Variants in DTNA observed in about 807,000 individuals in gnomAD.
The protein encoded by DTNA is dystrobrevin alpha, also known as dystrophin-related protein 3.
Under a neutral mutation model 100.7 loss-of-function variants are expected in DTNA, and 43 were observed. The observed-to-expected ratio is 0.43, with a 90% CI of 0.33 to 0.55. DTNA has a LOEUF of 0.55. Among genes scored for constraint, DTNA ranks in the 20% least tolerant of loss-of-function variants. The probability of loss-of-function intolerance (pLI) is 0.04; values close to 1 mark genes in which losing one functional copy is unlikely to be tolerated. For missense variants in DTNA, 798 were observed against 953.9 expected, an observed-to-expected ratio of 0.84 and a Z score of 2.15; for synonymous variants, 349 against 347.9, an observed-to-expected ratio of 1.00 and a Z score of -0.04.
chr18:34,511,198 AATT>A (rs2041050220), intron 1 of DTNA, among the ~76,000 whole-genome samples: 1 of 152,050 alleles, frequency 6.6e-6, no homozygotes, highest in Non-Finnish European at 1.5e-5. Flanking sequence ...CGGAAAGAAA[AATT>A]ATTATAAGTT....
At chr18:34,581,237 G>A (rs2048585901) in intron 1 of DTNA, among the ~76,000 whole-genome samples, 1 of 147,060 alleles carries the variant, frequency 6.8e-6, no homozygotes, top group South Asian at 2.2e-4. Flanking sequence ...GACAGAGCGA[G>A]ATTGGGTCTC....
rs2094867590 is a variant in DTNA at position 34,794,103 on chromosome 18, C to T, written c.215C>T (p.Pro72Leu). 1 of 1,614,148 alleles carries T rather than the reference C, an allele frequency of 6.2e-7. No homozygotes were observed. The highest frequency in any genetic ancestry group is 8.5e-7 in the Non-Finnish European group (1 of 1,180,028). Residue 72 changes from proline (P) to leucine (L), a missense_variant, in exon 4 of 23, where the codon CCA becomes CTA. By Grantham distance (98) the Pro-to-Leu change is moderately conservative. Around this residue, in one of 6 missense-constraint regions of DTNA, gnomAD observed 197 missense variants for 215.4 expected, o/e 0.91. Coordinates refer to ENST00000444659, the MANE Select transcript of DTNA (RefSeq NM_001386795.1). ...LRENALNNLD[P>L]NTELNVSRLE... ...GAAAATGCTCTGAACAACCTGGACC[C>T]AAACACTGAACTCAACGTGTCCCGC...
chr18:34,586,804 T>A (rs9947496), intron 1 of DTNA, among the ~76,000 whole-genome samples: 195 of 152,256 alleles, frequency 1.3e-3, no homozygotes, highest in African/African-American at 4.5e-3. Context: ...AAATAAGTAA[T>A]CCAATAGAGG....
At chr18:34,854,831 G>T (rs111254688) in intron 15 of DTNA, among the ~76,000 whole-genome samples, 1 of 152,212 alleles carries the variant, frequency 6.6e-6, no homozygotes, top group Non-Finnish European at 1.5e-5. Flanking sequence ...TTGAGGGGTT[G>T]AAGTGAGAAT....
At chr18:34,763,972 G>A (rs1442479915) in intron 2 of DTNA, among the ~76,000 whole-genome samples, 2 of 152,162 alleles carry the variant, frequency 1.3e-5, no homozygotes, top group African/African-American at 2.4e-5. Context: ...AGATGGTAAT[G>A]AGGATGCTAA....
At chr18:34,526,133 A>T (rs1389795627) in intron 1 of DTNA, among the ~76,000 whole-genome samples, 1 of 152,142 alleles carries the variant, frequency 6.6e-6, no homozygotes, top group Non-Finnish European at 1.5e-5. Flanking sequence ...GAAATCAAAG[A>T]TCCATTATTC....
intron 16 of DTNA, among the ~76,000 whole-genome samples, chr18:34,860,938 G>C (rs2150100793): frequency 6.6e-6 from 1 of 152,180 alleles, no homozygotes; most frequent in East Asian, 1.9e-4. Context: ...AAGTCACACA[G>C]AAGTTGCAGA....
chr18:34,663,565 C>A (rs1219462908), intron 1 of DTNA, among the ~76,000 whole-genome samples: 3 of 152,096 alleles, frequency 2.0e-5, no homozygotes, highest in African/African-American at 7.2e-5. Flanking sequence ...GTTCAAGGTA[C>A]AAGTGGTACT....
chr18:34,598,534 A>G (rs2051108177), intron 1 of DTNA, among the ~76,000 whole-genome samples: 1 of 152,190 alleles, frequency 6.6e-6, no homozygotes, highest in South Asian at 2.1e-4. Flanking sequence ...TATGTAATAC[A>G]ATATTGTGAA....
At chr18:34,663,419 C>A (rs1341096605) in intron 1 of DTNA, among the ~76,000 whole-genome samples, 1 of 152,162 alleles carries the variant, frequency 6.6e-6, no homozygotes, top group African/African-American at 2.4e-5. Context: ...CCTGCCTTGG[C>A]CTCCCAAAGT....
At chr18:34,697,375 A>G (rs1328556124) in intron 1 of DTNA, among the ~76,000 whole-genome samples, 1 of 152,132 alleles carries the variant, frequency 6.6e-6, no homozygotes, top group Non-Finnish European at 1.5e-5. Flanking sequence ...TACCTACATA[A>G]CTGCCTTCTG....
chr18:34,692,679 A>G (rs1468597046), intron 1 of DTNA, among the ~76,000 whole-genome samples: 3 of 152,206 alleles, frequency 2.0e-5, no homozygotes, highest in Non-Finnish European at 2.9e-5. Flanking sequence ...GTTCAACAAG[A>G]GTTTAAAAGA....
chr18:34,722,546 G>T lies in DTNA; in HGVS notation c.-2+12101G>T, dbSNP rs189124387. ...AAAAGAGCTTTATTGTGATATAATT[G>T]ATAATGAACTAAACTATTTAAATTG... On this transcript the variant is annotated intron_variant, in intron 1 of 22. Coordinates refer to ENST00000444659, the MANE Select transcript of DTNA (RefSeq NM_001386795.1). 1.4e-4 allele frequency among the ~76,000 whole-genome samples: 22 copies of T among 151,778 alleles called. No individual in the cohort carries two copies. The East Asian group carries it at 4.1e-3, about 28-fold the overall frequency.
At chr18:34,620,550 T>G (rs2056285157) in intron 1 of DTNA, among the ~76,000 whole-genome samples, 1 of 152,320 alleles carries the variant, frequency 6.6e-6, no homozygotes, top group East Asian at 1.9e-4. Flanking sequence ...TATCTTTAAT[T>G]GGCTCACAGT....
chr18:34,742,941 G>A (rs1451571929), intron 1 of DTNA, among the ~76,000 whole-genome samples: 1 of 152,022 alleles, frequency 6.6e-6, no homozygotes, highest in East Asian at 1.9e-4. Context: ...AGGAGGCCTG[G>A]AAGACTGAAA....
At chr18:34,654,054 G>A (rs1437810492) in intron 1 of DTNA, among the ~76,000 whole-genome samples, 1 of 152,150 alleles carries the variant, frequency 6.6e-6, no homozygotes, top group Non-Finnish European at 1.5e-5. Flanking sequence ...GGAAGGCTTG[G>A]GACAGGGATG....
intron 1 of DTNA, among the ~76,000 whole-genome samples, chr18:34,523,657 G>A (rs1291183960): frequency 6.6e-6 from 1 of 152,088 alleles, no homozygotes; most frequent in African/African-American, 2.4e-5. Context: ...ACCTTGTGAG[G>A]TAAGTAAGGC....
At chr18:34,827,781 C>A in intron 10 of DTNA, 105 bp downstream of exon 10, 1 of 1,137,260 alleles carries the variant, frequency 8.8e-7, no homozygotes, top group Non-Finnish European at 1.3e-6. Flanking sequence ...AATATTGTTA[C>A]TAGAAACTAA....
upstream of DTNA, among the ~76,000 whole-genome samples, chr18:34,705,437 T>G (rs2081993307): frequency 6.6e-6 from 1 of 152,218 alleles, no homozygotes; most frequent in African/African-American, 2.4e-5. Flanking sequence ...CCCTCAGAGA[T>G]GAGTTGCCAT....
Sources: allele counts gnomAD v4.1 joint callset (sites outside exome capture counted in the v4.1 genomes callset), GRCh38; gene constraint gnomAD v4.1.1; regional missense constraint gnomAD v4.1.1; transcripts MANE v1.5; gene names NCBI Gene and HGNC (gene_info 2026-07-23, HGNC 2026-07-21).